Variants in KANK1 observed in about 807,000 individuals in gnomAD.
KANK1 encodes KN motif and ankyrin repeat domain-containing protein 1.
A neutral mutation model predicts 106.2 loss-of-function variants in KANK1; 109 were observed. That is an observed-to-expected ratio of 1.03 (90% CI 0.88 to 1.20). The LOEUF (loss-of-function observed/expected upper bound fraction) is 1.20. KANK1 is among the 50% of genes most tolerant of loss of function. The pLI is 0.00. For synonymous variants in KANK1, 873 were observed against 652.2 expected, an observed-to-expected ratio of 1.34 and a Z score of -5.16; for missense variants, 2,399 against 1,710.7, an observed-to-expected ratio of 1.40 and a Z score of -7.10.
chr9:667,656 G>C (rs143960567), intron 1 of KANK1, among the ~76,000 whole-genome samples: 55 of 149,750 alleles, frequency 3.7e-4, no homozygotes, highest in African/African-American at 1.2e-3. Flanking sequence ...ATTTTTAAAT[G>C]TTCTTATTTC....
At chr9:735,378 G>C (rs1833503045) in intron 7 of KANK1, among the ~76,000 whole-genome samples, 1 of 152,190 alleles carries the variant, frequency 6.6e-6, no homozygotes, top group Admixed American at 6.5e-5. Context: ...AAACAGCAAA[G>C]AGTTTGTGGT....
At chr9:738,164 A>G (rs1194972240) in intron 7 of KANK1, 121 bp from the exon 8 acceptor site, 2 of 778,284 alleles carry the variant, frequency 2.6e-6, no homozygotes, top group African/African-American at 3.5e-5. Flanking sequence ...TTGGTTTTTG[A>G]GAGCAGATTC....
intron 1 of KANK1, among the ~76,000 whole-genome samples, chr9:528,159 T>C (rs1377883290): frequency 1.3e-5 from 2 of 151,784 alleles, no homozygotes; most frequent in African/African-American, 2.4e-5. Context: ...AAAAAAACTT[T>C]TTAGGATTTT....
chr9:535,397 C>G (rs2060250657), intron 1 of KANK1, among the ~76,000 whole-genome samples: 1 of 152,104 alleles, frequency 6.6e-6, no homozygotes, highest in Non-Finnish European at 1.5e-5. Flanking sequence ...CTATTCCTGC[C>G]CACACTTCTT....
At chr9:705,386 C>T (rs1193857785) in intron 2 of KANK1, among the ~76,000 whole-genome samples, 1 of 151,998 alleles carries the variant, frequency 6.6e-6, no homozygotes, top group Non-Finnish European at 1.5e-5. Context: ...CTCGGGAGGA[C>T]GAGGCAGGAG....
chr9:546,668 C>G (rs1036391765), intron 1 of KANK1, among the ~76,000 whole-genome samples: 10 of 151,872 alleles, frequency 6.6e-5, no homozygotes, highest in African/African-American at 2.2e-4. Context: ...CTCCCACCCC[C>G]ACTCCCCCAA....
chr9:565,060 G>A (rs1817485144), intron 1 of KANK1, among the ~76,000 whole-genome samples: 1 of 152,198 alleles, frequency 6.6e-6, no homozygotes, highest in African/African-American at 2.4e-5. Flanking sequence ...AGAGAAGAGA[G>A]ACCAAAGTGT....
intron 1 of KANK1, among the ~76,000 whole-genome samples, chr9:652,557 A>G (rs1166984211): frequency 2.0e-5 from 3 of 152,210 alleles, no homozygotes; most frequent in African/African-American, 4.8e-5. Flanking sequence ...GTGTGAAGAA[A>G]CAATCTAAAT....
At chr9:597,773 C>A (rs985235661) in intron 1 of KANK1, among the ~76,000 whole-genome samples, 2 of 151,582 alleles carry the variant, frequency 1.3e-5, no homozygotes, top group Non-Finnish European at 2.9e-5. Context: ...AAGTGATTCT[C>A]CTGCCTCAGC....
chr9:730,528 C>T (rs1012600976), intron 4 of KANK1: 1 of 386,660 alleles, frequency 2.6e-6, no homozygotes, highest in African/African-American at 2.1e-5. Flanking sequence ...CCCATCTCTA[C>T]TAAAAAATAC....
intron 1 of KANK1, among the ~76,000 whole-genome samples, chr9:525,776 A>G (rs1404464030): frequency 6.6e-6 from 1 of 151,636 alleles, no homozygotes; most frequent in Non-Finnish European, 1.5e-5. Context: ...GAGAATAAGC[A>G]GCAAAGGTTG....
At chr9:677,297 A>T (rs763226176) in intron 2 of KANK1, among the ~76,000 whole-genome samples, 1 of 152,214 alleles carries the variant, frequency 6.6e-6, no homozygotes, top group Admixed American at 6.5e-5. Flanking sequence ...AATGTAATGT[A>T]TACTCCTCTT....
At chr9:501,611 C>CAT (rs879890172), upstream of KANK1, among the ~76,000 whole-genome samples, 2 of 127,586 alleles carry the variant, frequency 1.6e-5, no homozygotes, top group East Asian at 2.7e-4. Context: ...CACGCACAGA[C>CAT]ATACACACAC....
intron 1 of KANK1, among the ~76,000 whole-genome samples, chr9:643,018 T>C (rs1838827328): frequency 6.6e-6 from 1 of 150,684 alleles, no homozygotes. Context: ...CACCTTTTAA[T>C]AAAAAAGAGG....
intron 1 of KANK1, among the ~76,000 whole-genome samples, chr9:534,603 C>G (rs868696251): frequency 3.3e-5 from 5 of 152,194 alleles, no homozygotes; most frequent in Non-Finnish European, 5.9e-5. Context: ...TTTTTTCCCC[C>G]TCTTAGTTAT....
In KANK1 at chr9:734,787, A is replaced by C. The variant is rs1203553082; in HGVS notation, c.3285A>C (p.Leu1095Phe). 9 of 1,613,852 alleles carry C rather than the reference A, an allele frequency of 5.6e-6. No homozygotes were observed. The South Asian group carries it at 7.7e-5, about 14-fold the overall frequency. ...LSEKMLSACNLLKNTINDPKA... is the reference protein window; with the variant it reads ...LSEKMLSACNFLKNTINDPKA... ...AAAAGATGTTGTCTGCATGCAACTT[A>C]CTGAAAAATACTATAAATGACCCCA... Residue 1095 changes from leucine (L) to phenylalanine (F), a missense_variant, in exon 7 of 12, where the codon TTA becomes TTC. Coordinates refer to ENST00000382297, the MANE Select transcript of KANK1 (RefSeq NM_015158.5).
chr9:596,033 C>T (rs550266830), intron 1 of KANK1, among the ~76,000 whole-genome samples: 8 of 151,782 alleles, frequency 5.3e-5, no homozygotes, highest in East Asian at 3.9e-4. Context: ...ATAACAAGTT[C>T]GTTTATGTTT....
chr9:610,610 G>A (rs1479813771), intron 1 of KANK1, among the ~76,000 whole-genome samples: 1 of 152,166 alleles, frequency 6.6e-6, no homozygotes, highest in Non-Finnish European at 1.5e-5. Flanking sequence ...CCTTGACTCT[G>A]ATCAAGACAT....
rs576830923 is a variant in KANK1 at position 736,719 on chromosome 9, T to G, written c.3334-1566T>G. Reference sequence around the variant, plus strand: ...TCTCAAAAAAAAAAAAAATTCCTAGTCAAGGGGAAACATAGAACTACATAT... The same window carrying G: ...TCTCAAAAAAAAAAAAAATTCCTAGGCAAGGGGAAACATAGAACTACATAT... On this transcript the variant is annotated intron_variant, in intron 7 of 11. Transcript: ENST00000382297. 6.5e-4 allele frequency among the ~76,000 whole-genome samples: 98 copies of G among 151,838 alleles called. 1 individual carries two copies. In the South Asian group the frequency reaches 0.02, roughly 31 times the overall value.
Sources: allele counts gnomAD v4.1 joint callset (sites outside exome capture counted in the v4.1 genomes callset), GRCh38; gene constraint gnomAD v4.1.1; transcripts MANE v1.5; gene names NCBI Gene and HGNC (gene_info 2026-07-23, HGNC 2026-07-21).